Variants in PHC1 observed in about 807,000 individuals in gnomAD.
The protein encoded by PHC1 is polyhomeotic homolog 1, also known as polyhomeotic-like protein 1.
A neutral mutation model predicts 104.3 loss-of-function variants in PHC1; 12 were observed. The ratio of observed to expected loss-of-function variants is 0.12; its 90% confidence interval spans 0.07 to 0.19. The LOEUF is 0.19. Ranked by LOEUF, PHC1 falls within the 10% of genes least tolerant of loss-of-function variation. The pLI is 1.00. For synonymous variants in PHC1, 302 were observed against 455.8 expected (o/e 0.66, Z 4.30); for missense variants, 671 against 1,200.0 (o/e 0.56, Z 6.51).
intron 6 of PHC1, among the ~76,000 whole-genome samples, chr12:8,928,279 A>G (rs956677205): frequency 6.6e-6 from 1 of 152,114 alleles, no homozygotes; most frequent in African/African-American, 2.4e-5. Context: ...CCACATTACT[A>G]TCAGGAAACT....
rs1945305843 is a variant in PHC1, at chr12:8,919,758, T to G, written c.117T>G (p.Ala39=). 1 of 1,612,102 alleles carries G rather than the reference T, an allele frequency of 6.2e-7. No individual in the cohort carries two copies. The highest frequency in any genetic ancestry group is 1.3e-5 in the African/African-American group (1 of 75,004). ...TGTTTTATCCTCTCTTTTCCTAGGC[T>G]CTGCAAGCACTGCAGCGGCAGCCCA... is the stretch of plus-strand genomic sequence containing the variant. The part of the protein sequence containing the change: ...MSLYERQAVQ[A]LQALQRQPNA... Residue 39 remains alanine (A), a splice_region_variant and synonymous_variant, in exon 3 of 15, where the codon GCT becomes GCG. Coordinates refer to ENST00000544916, the MANE Select transcript of PHC1 (RefSeq NM_004426.3). The surrounding 1 kb of genome is among the most constrained non-coding windows in gnomAD (Gnocchi z 4.9).
chr12:8,916,841 A>G (rs1004498975), intron 1 of PHC1, among the ~76,000 whole-genome samples: 2 of 152,140 alleles, frequency 1.3e-5, no homozygotes, highest in Non-Finnish European at 2.9e-5. Context: ...CTGAGGTGTT[A>G]TTAGTAGCCT....
chr12:8,930,808 C>A lies in PHC1; in HGVS notation c.986C>A (p.Thr329Lys). ...GTGACTGTGAGCCAGGGCAGCCAGA[C>A]AGAGGCAGAAAGTGCAGCAGCCAAG... ...QTVTVSQGSQTEAESAAAKKA... is the reference protein window; with the variant it reads ...QTVTVSQGSQKEAESAAAKKA... The change falls in exon 7 of 15, where the codon ACA becomes AAA. Residue 329 changes from threonine (T) to lysine (K), a missense_variant. Physicochemically the swap from Thr to Lys is moderately conservative, Grantham distance 78. Coordinates refer to ENST00000544916, the MANE Select transcript of PHC1 (RefSeq NM_004426.3). 6.5e-7 allele frequency: 1 copy of A among 1,538,192 alleles called. No individual in the cohort carries two copies. Among genetic ancestry groups the A allele is most frequent in the Non-Finnish European group, 8.9e-7 (1 of 1,126,224 alleles).
chr12:8,917,383 A>C (rs918295545), intron 1 of PHC1, among the ~76,000 whole-genome samples: 1 of 152,212 alleles, frequency 6.6e-6, no homozygotes, highest in African/African-American at 2.4e-5. Flanking sequence ...ATTTAATGAC[A>C]GCCATGAGGG....
In PHC1 at chr12:8,915,148, T is replaced by G. The variant is rs997737373; in HGVS notation, c.-49+321T>G. 4.7e-4 allele frequency: 72 copies of G among 152,820 alleles called. 1 individual carries two copies. Among genetic ancestry groups the G allele is most frequent in the African/African-American group, 1.7e-3 (70 of 41,562 alleles). The allele number at this position is 152,820 out of a possible 1,614,324, so 9.5% of individuals were successfully genotyped here. Reference sequence around the variant, plus strand: ...TCTAGTTATCTCCCTGCTTTCGTGGTCCGCTGGGTTCCTCAGCCTCCAGTT... The same window carrying G: ...TCTAGTTATCTCCCTGCTTTCGTGGGCCGCTGGGTTCCTCAGCCTCCAGTT... On this transcript the variant is annotated intron_variant, in intron 1 of 14. Coordinates refer to ENST00000544916, the MANE Select transcript of PHC1 (RefSeq NM_004426.3).
At chr12:8,938,778 T>C (rs1363142094) in intron 14 of PHC1, among the ~76,000 whole-genome samples, 1 of 152,204 alleles carries the variant, frequency 6.6e-6, no homozygotes, top group Non-Finnish European at 1.5e-5. Flanking sequence ...ATTTCTGTGG[T>C]TGAACAATTT....
intron 6 of PHC1, among the ~76,000 whole-genome samples, chr12:8,923,379 AATT>A (rs1195870456): frequency 6.6e-6 from 1 of 152,164 alleles, no homozygotes; most frequent in Admixed American, 6.5e-5. Flanking sequence ...ATCTTACGAT[AATT>A]ATTTCATCCT....
At chr12:8,929,542 T>TC (rs1754845613) in intron 6 of PHC1, among the ~76,000 whole-genome samples, 1 of 151,950 alleles carries the variant, frequency 6.6e-6, no homozygotes, top group African/African-American at 2.4e-5. Context: ...TTTTTTTTTT[T>TC]TTCTGGACAG....
chr12:8,938,164 T>A, intron 14 of PHC1, 104 bp downstream of exon 14: 1 of 727,796 alleles, frequency 1.4e-6, no homozygotes, highest in Non-Finnish European at 2.4e-6. Flanking sequence ...AGTAGGAGCT[T>A]GAATGCTAAT....
chr12:8,937,679 G>T, intron 13 of PHC1, 150 bp from the exon 14 acceptor site: 1 of 634,672 alleles, frequency 1.6e-6, no homozygotes, highest in Non-Finnish European at 2.8e-6. Context: ...TTTGAGAGTA[G>T]ATTTTGGGAA....
rs1462907652 is a variant in PHC1 at position 8,921,627 on chromosome 12, C to T, written c.333C>T (p.Ala111=). 4.3e-6 allele frequency: 7 copies of T among 1,613,692 alleles called. No homozygotes were observed. The highest frequency in any genetic ancestry group is 1.3e-5 in the African/African-American group (1 of 74,896). The change falls in exon 5 of 15, where the codon GCC becomes GCT. Residue 111 remains alanine, a synonymous_variant. Coordinates refer to ENST00000544916, the MANE Select transcript of PHC1 (RefSeq NM_004426.3). ...TCAATCTGGCCACCACATCGGCCGCCCAGCTCATCAGCCGATCCCAGAGTG... is the reference window on the plus strand; with the variant it reads ...TCAATCTGGCCACCACATCGGCCGCTCAGCTCATCAGCCGATCCCAGAGTG... ...ASINLATTSA[A]QLISRSQSVS... is the part of the protein sequence containing the mutation.
At chr12:8,933,372 T>C in intron 8 of PHC1, 22 bp downstream of exon 8, 2 of 1,537,884 alleles carry the variant, frequency 1.3e-6, no homozygotes, top group Non-Finnish European at 8.8e-7. Context: ...CTGATGGTTT[T>C]GAGGGCACTA....
intron 6 of PHC1, among the ~76,000 whole-genome samples, chr12:8,927,906 T>C (rs1012516450): frequency 8.8e-6 from 1 of 112,996 alleles, no homozygotes; most frequent in African/African-American, 4.3e-5. Context: ...TCTTTCTTTC[T>C]TTCTTTCTTT....
intron 6 of PHC1, among the ~76,000 whole-genome samples, chr12:8,927,886 TTTCTTTCTTTCTTTCTTTCTTTCTTTC>T (rs1283712316): frequency 1.1e-4 from 12 of 111,354 alleles, no homozygotes; most frequent in East Asian, 7.7e-4. Context: ...TCTTTCTTTC[TTTCTTTCTTTCTTTCTTTCTTTCTTTC>T]TTTTTTTTTT....
chr12:8,937,773 G>A, intron 13 of PHC1, 56 bp from the exon 14 acceptor site: 2 of 1,398,422 alleles, frequency 1.4e-6, no homozygotes, highest in Non-Finnish European at 2.0e-6. Context: ...TGGGAAGAAA[G>A]AGAGAGGAAT....
chr12:8,921,108 CT>C (rs1253415257), intron 4 of PHC1, 43 bp downstream of exon 4: 4 of 1,440,196 alleles, frequency 2.8e-6, no homozygotes, highest in Non-Finnish European at 3.8e-6. Context: ...CTACCTGGGT[CT>C]TTGTCTCTGG....
At position 8,921,326 on chromosome 12, in the gene PHC1, C is replaced by T. The variant is rs1381174048; in HGVS notation, c.306+261C>T. On this transcript the variant is annotated intron_variant, in intron 4 of 14. Coordinates refer to ENST00000544916, the MANE Select transcript of PHC1 (RefSeq NM_004426.3). ...ACAAAGAAGGGGACTAATCCCTGGACTCTTCAATGAGAAGTAAAATCTGTT... is the reference window on the plus strand; with the variant it reads ...ACAAAGAAGGGGACTAATCCCTGGATTCTTCAATGAGAAGTAAAATCTGTT... 2.6e-5 allele frequency among the ~76,000 whole-genome samples: 4 copies of T among 152,178 alleles called. No homozygotes were observed. In the East Asian group the frequency reaches 5.8e-4, roughly 22 times the overall value.
At chr12:8,938,092 T>G (rs751708322) in intron 14 of PHC1, 32 bp downstream of exon 14, 7 of 1,517,282 alleles carry the variant, frequency 4.6e-6, no homozygotes, top group East Asian at 2.3e-5. Flanking sequence ...GAACCCAGGT[T>G]GTTTTCCTTA....
chr12:8,926,938 A>G (rs768294023), intron 6 of PHC1, among the ~76,000 whole-genome samples: 4 of 152,086 alleles, frequency 2.6e-5, no homozygotes, highest in South Asian at 4.2e-4. Context: ...GTTTGGGGAG[A>G]TAGTACAGGT....
Sources: gnomAD v4.1 joint callset for allele counts (sites outside exome capture counted in the v4.1 genomes callset) on GRCh38, gnomAD v4.1.1 for gene constraint, Gnocchi (gnomAD v3.1) non-coding constraint, MANE v1.5 for transcripts, NCBI Gene and HGNC (gene_info 2026-07-23, HGNC 2026-07-21) for gene names.